CPS1: variants seen among roughly 807,000 people sequenced by gnomAD.
CPS1 encodes carbamoyl-phosphate synthase 1.
Under a neutral mutation model 174.6 loss-of-function variants are expected in CPS1, and 109 were observed. The ratio of observed to expected loss-of-function variants is 0.62; its 90% CI spans 0.53 to 0.73. The LOEUF is 0.73. Ranked by LOEUF, CPS1 falls within the 30% of genes least tolerant of loss-of-function variation. CPS1 has a pLI of 0.00. For synonymous variants in CPS1, 637 were observed against 632.0 expected, an observed-to-expected ratio of 1.01 and a Z score of -0.12; for missense variants, 1,689 against 1,821.9, an observed-to-expected ratio of 0.93 and a Z score of 1.33.
chr2:210,578,843 C>A (rs988317474), intron 4 of CPS1, among the ~76,000 whole-genome samples: 1 of 152,116 alleles, frequency 6.6e-6, no homozygotes, highest in Non-Finnish European at 1.5e-5. Context: ...CCAAGCTTTC[C>A]TTTTCCTTTT....
At chr2:210,577,202 C>A in intron 3 of CPS1, 1 of 571,998 alleles carries the variant, frequency 1.7e-6, no homozygotes, top group East Asian at 3.0e-5. Flanking sequence ...TCAGGATTTA[C>A]CAAGCCAGGT....
intron 1 of CPS1, among the ~76,000 whole-genome samples, chr2:210,537,992 G>T (rs1696303590): frequency 1.3e-5 from 2 of 152,062 alleles, no homozygotes; most frequent in African/African-American, 4.8e-5. Context: ...ACTCTTAACT[G>T]CATTTTTCTG....
chr2:210,543,158 G>C (rs1368609681), intron 1 of CPS1, among the ~76,000 whole-genome samples: 1 of 152,148 alleles, frequency 6.6e-6, no homozygotes, highest in Non-Finnish European at 1.5e-5. Flanking sequence ...ACCCAAGCAG[G>C]TCTACCACAG....
intron 25 of CPS1, among the ~76,000 whole-genome samples, chr2:210,645,263 T>C (rs914063012): frequency 2.0e-5 from 3 of 152,184 alleles, no homozygotes; most frequent in African/African-American, 7.2e-5. Flanking sequence ...TTCCCATTGA[T>C]GGTCTCTGAT....
At chr2:210,497,122 A>G (rs977448856) in intron 1 of CPS1, among the ~76,000 whole-genome samples, 3 of 152,114 alleles carry the variant, frequency 2.0e-5, no homozygotes, top group African/African-American at 4.8e-5. Flanking sequence ...TCCAGATTTC[A>G]TCTTACTATT....
chr2:210,628,075 C>A (rs1275012798), intron 21 of CPS1, among the ~76,000 whole-genome samples: 2 of 152,098 alleles, frequency 1.3e-5, no homozygotes, highest in Admixed American at 6.5e-5. Context: ...TATTTTGACA[C>A]CATTTGCCTA....
intron 21 of CPS1, among the ~76,000 whole-genome samples, chr2:210,635,023 A>T (rs1305758296): frequency 6.6e-6 from 1 of 152,116 alleles, no homozygotes. Flanking sequence ...GGCTCACTGC[A>T]ACCCCCACCT....
At chr2:210,536,787 CATTAAGAGAGAAATGAG>C (rs1696267017) in intron 1 of CPS1, among the ~76,000 whole-genome samples, 1 of 152,048 alleles carries the variant, frequency 6.6e-6, no homozygotes, top group Non-Finnish European at 1.5e-5. Flanking sequence ...ATCTTATATC[CATTAAGAGAGAAATGAG>C]AGTAAGAGAG....
chr2:210,663,885 T>C (rs1344754256), intron 33 of CPS1, among the ~76,000 whole-genome samples: 1 of 152,156 alleles, frequency 6.6e-6, no homozygotes, highest in Non-Finnish European at 1.5e-5. Flanking sequence ...AAACTTCAGA[T>C]TCTCATCAGT....
At chr2:210,493,702 A>C (rs1694922406) in intron 1 of CPS1, among the ~76,000 whole-genome samples, 2 of 152,158 alleles carry the variant, frequency 1.3e-5, no homozygotes, top group African/African-American at 2.4e-5. Context: ...TTTATAAGTC[A>C]GTTGTAAGTT....
At chr2:210,677,628 A>T (rs1324155725) in intron 37 of CPS1, among the ~76,000 whole-genome samples, 1 of 152,176 alleles carries the variant, frequency 6.6e-6, no homozygotes, top group Non-Finnish European at 1.5e-5. Context: ...TATCATATTT[A>T]TTTTTTATGC....
rs141106588 is a variant in CPS1 at position 210,608,580 on chromosome 2, G to A, written c.2391+21G>A. The A allele has an allele frequency of 5.1e-4, 811 of 1,605,472 alleles. 4 individuals carry two copies. Among genetic ancestry groups the A allele is most frequent in the East Asian group, 1.3e-3 (59 of 44,690 alleles). ...GAGAGGTGAGTCCTTGGTTTATTAC[G>A]CTTTTCTTCTTGTTCTCAGTTATTT... On this transcript the variant is annotated intron_variant, in intron 19 of 37. Transcript: ENST00000233072.
intron 21 of CPS1, among the ~76,000 whole-genome samples, chr2:210,622,636 G>A (rs972603782): frequency 1.3e-5 from 2 of 151,530 alleles, no homozygotes; most frequent in African/African-American, 4.8e-5. Context: ...CTTGCTATAA[G>A]TATGTAAGGA....
intron 1 of CPS1, among the ~76,000 whole-genome samples, chr2:210,566,363 G>C (rs369632132): frequency 2.0e-5 from 3 of 152,078 alleles, no homozygotes; most frequent in African/African-American, 7.2e-5. Context: ...AAGGGCCTAG[G>C]ATCAGTGCAA....
chr2:210,512,407 C>A (rs1422534449), intron 1 of CPS1, among the ~76,000 whole-genome samples: 1 of 151,928 alleles, frequency 6.6e-6, no homozygotes. Context: ...TCTTTATGTT[C>A]ATGAGTACCC....
chr2:210,578,303 T>A (rs973469539), intron 4 of CPS1, among the ~76,000 whole-genome samples: 1 of 151,950 alleles, frequency 6.6e-6, no homozygotes, highest in Non-Finnish European at 1.5e-5. Flanking sequence ...AGAGACGGGG[T>A]TTCACCATGT....
At chr2:210,653,978 C>A in intron 28 of CPS1, 47 bp from the exon 29 acceptor site, 2 of 1,426,684 alleles carry the variant, frequency 1.4e-6, no homozygotes, top group Non-Finnish European at 2.0e-6. Flanking sequence ...ACACTATATA[C>A]ATAGCGTTAG....
At chr2:210,621,426 C>T (rs1447850152) in intron 21 of CPS1, among the ~76,000 whole-genome samples, 1 of 152,138 alleles carries the variant, frequency 6.6e-6, no homozygotes, top group African/African-American at 2.4e-5. Context: ...AGTGGAACCA[C>T]AACATGTGCA....
chr2:210,665,668 TGGCTGCATAGTATTCC>T (rs1701072227), intron 33 of CPS1, among the ~76,000 whole-genome samples: 1 of 151,978 alleles, frequency 6.6e-6, no homozygotes, highest in South Asian at 2.1e-4. Context: ...TCATTTTTTA[TGGCTGCATAGTATTCC>T]ATGGTATATA....
Sources: allele counts gnomAD v4.1 joint callset (sites outside exome capture counted in the v4.1 genomes callset), GRCh38; gene constraint gnomAD v4.1.1; transcripts MANE v1.5; gene names NCBI Gene and HGNC (gene_info 2026-07-23, HGNC 2026-07-21).